KHDRBS2: variants seen among roughly 807,000 people sequenced by gnomAD.
The protein encoded by KHDRBS2 is KH domain-containing, RNA-binding, signal transduction-associated protein 2.
A neutral mutation model predicts 44.3 loss-of-function variants in KHDRBS2; 26 were observed. The ratio of observed to expected loss-of-function variants is 0.59; its 90% confidence interval spans 0.43 to 0.81. KHDRBS2 has a LOEUF of 0.81. KHDRBS2 is among the 40% of genes least tolerant of loss of function. The probability of loss-of-function intolerance (pLI) is 0.00; values close to 1 mark genes in which losing one functional copy is unlikely to be tolerated. For missense variants in KHDRBS2, 476 were observed against 433.1 expected (o/e 1.10, Z -0.88); for synonymous variants, 194 against 151.1 (o/e 1.28, Z -2.08).
intron 6 of KHDRBS2, among the ~76,000 whole-genome samples, chr6:61,816,196 G>T (rs532488973): frequency 1.3e-5 from 2 of 152,092 alleles, no homozygotes; most frequent in Non-Finnish European, 2.9e-5. Context: ...TCCCCAAAAA[G>T]ATATGTTTTA....
chr6:61,672,608 A>T, the KHDRBS2 span, among the ~76,000 whole-genome samples: 1 of 151,378 alleles, frequency 6.6e-6, no homozygotes, highest in African/African-American at 2.4e-5. Flanking sequence ...GATGGTGAGC[A>T]TTTTTTCATG....
chr6:61,947,265 G>T (rs949718517), intron 4 of KHDRBS2, among the ~76,000 whole-genome samples: 18 of 152,086 alleles, frequency 1.2e-4, no homozygotes, highest in Non-Finnish European at 2.5e-4. Context: ...AAGCTCAACA[G>T]AACACAACAG....
At chr6:62,041,238 G>A (rs545290721) in intron 3 of KHDRBS2, among the ~76,000 whole-genome samples, 10 of 152,194 alleles carry the variant, frequency 6.6e-5, no homozygotes, top group Admixed American at 2.0e-4. Flanking sequence ...GTCTGAGGCA[G>A]GAGAATCACT....
At chr6:61,709,433 AT>A (rs1257988930) in intron 7 of KHDRBS2, among the ~76,000 whole-genome samples, 1 of 151,576 alleles carries the variant, frequency 6.6e-6, no homozygotes, top group Non-Finnish European at 1.5e-5. Flanking sequence ...AAAAATGGGT[AT>A]TTTGCCTCAT....
intron 7 of KHDRBS2, among the ~76,000 whole-genome samples, chr6:61,699,724 A>C (rs1246304584): frequency 6.6e-6 from 1 of 152,088 alleles, no homozygotes; most frequent in African/African-American, 2.4e-5. Flanking sequence ...ATCAGAGATA[A>C]AAAGAGGGGC....
the KHDRBS2 span, among the ~76,000 whole-genome samples, chr6:61,561,197 C>T: frequency 6.6e-6 from 1 of 151,668 alleles, no homozygotes; most frequent in African/African-American, 2.4e-5. Flanking sequence ...CTCTCTCTCT[C>T]TCTCTCCTTC....
In KHDRBS2 at chr6:62,199,966, C is replaced by T. The variant is rs191175510; in HGVS notation, c.92-22654G>A. Among the ~76,000 whole-genome samples, 243 of 152,130 alleles carry T rather than the reference C, an allele frequency of 1.6e-3. 1 individual carries two copies. Among genetic ancestry groups the T allele is most frequent in the African/African-American group, 5.7e-3 (235 of 41,486 alleles). On this transcript the variant is annotated intron_variant, in intron 1 of 8. Transcript: ENST00000281156. ...ACTATCTGATCTTTGACAAGCCTGACAAAAACAAGAAATGGAGAAAGGATT... is the reference window on the plus strand; with the variant it reads ...ACTATCTGATCTTTGACAAGCCTGATAAAAACAAGAAATGGAGAAAGGATT...
chr6:61,567,067 T>C, the KHDRBS2 span, among the ~76,000 whole-genome samples: 5 of 152,294 alleles, frequency 3.3e-5, no homozygotes, highest in South Asian at 1.0e-3. Flanking sequence ...GCCATCTGTG[T>C]TTGCTAGTTA....
At chr6:61,843,090 A>G (rs550308987) in intron 6 of KHDRBS2, among the ~76,000 whole-genome samples, 3 of 152,182 alleles carry the variant, frequency 2.0e-5, no homozygotes, top group Non-Finnish European at 2.9e-5. Flanking sequence ...CAGAGCCACA[A>G]ATTATACAAT....
At chr6:62,047,483 G>C (rs1158866050) in intron 3 of KHDRBS2, among the ~76,000 whole-genome samples, 3 of 151,780 alleles carry the variant, frequency 2.0e-5, no homozygotes, top group Non-Finnish European at 2.9e-5. Flanking sequence ...ATAGAGCAGA[G>C]AGATAAAATG....
chr6:61,795,560 A>T (rs1436111362), intron 6 of KHDRBS2, among the ~76,000 whole-genome samples: 2 of 152,080 alleles, frequency 1.3e-5, no homozygotes, highest in African/African-American at 2.4e-5. Context: ...ATGCTCACTA[A>T]TGTAAGAAGA....
chr6:62,142,114 G>A (rs1812953859), intron 2 of KHDRBS2, among the ~76,000 whole-genome samples: 1 of 152,038 alleles, frequency 6.6e-6, no homozygotes, highest in African/African-American at 2.4e-5. Flanking sequence ...GTGGGAAATA[G>A]AGAGAGAAGA....
intron 6 of KHDRBS2, among the ~76,000 whole-genome samples, chr6:61,855,614 A>G (rs693678): frequency 0.59 from 89,413 of 151,350 alleles, 26,607 homozygotes; most frequent in South Asian, 0.68. Context: ...CATCAAGTAT[A>G]TGCCTGGTGC....
intron 1 of KHDRBS2, among the ~76,000 whole-genome samples, chr6:62,274,802 C>T (rs533131656): frequency 6.6e-6 from 1 of 152,162 alleles, no homozygotes; most frequent in South Asian, 2.1e-4. Context: ...CCTTCCCCCT[C>T]CTCAAACTAA....
chr6:61,653,589 C>T, the KHDRBS2 span, among the ~76,000 whole-genome samples: 4 of 148,060 alleles, frequency 2.7e-5, no homozygotes, highest in Non-Finnish European at 4.5e-5. Context: ...TATGGAACTT[C>T]AAGTCTAATG....
intron 3 of KHDRBS2, among the ~76,000 whole-genome samples, chr6:61,999,987 C>A (rs1382209687): frequency 6.6e-6 from 1 of 152,046 alleles, no homozygotes; most frequent in Non-Finnish European, 1.5e-5. Flanking sequence ...ATACTGTATT[C>A]TCATCTTAAG....
At chr6:61,622,234 A>G in the KHDRBS2 span, among the ~76,000 whole-genome samples, 1 of 152,286 alleles carries the variant, frequency 6.6e-6, no homozygotes, top group East Asian at 1.9e-4. Context: ...ACATCTCTCT[A>G]TTAAGGGATT....
chr6:62,002,031 G>A (rs180776089), intron 3 of KHDRBS2, among the ~76,000 whole-genome samples: 1 of 152,092 alleles, frequency 6.6e-6, no homozygotes, highest in East Asian at 1.9e-4. Flanking sequence ...CATAGAAAGT[G>A]TAATGTTCCC....
At chr6:61,629,873 T>C in the KHDRBS2 span, among the ~76,000 whole-genome samples, 2 of 152,254 alleles carry the variant, frequency 1.3e-5, no homozygotes, top group Admixed American at 1.3e-4. Context: ...GAGTCCACAT[T>C]ATTTTTACTT....
Sources: gnomAD v4.1 joint callset for allele counts (sites outside exome capture counted in the v4.1 genomes callset) on GRCh38, gnomAD v4.1.1 for gene constraint, MANE v1.5 for transcripts, NCBI Gene and HGNC (gene_info 2026-07-23, HGNC 2026-07-21) for gene names.